Variants in AP3S2 observed in about 807,000 individuals in gnomAD.
AP3S2 encodes the protein adaptor related protein complex 3 subunit sigma 2.
Under a neutral mutation model 23.4 loss-of-function variants are expected in AP3S2, and 22 were observed. The observed-to-expected ratio is 0.94, with a 90% CI of 0.67 to 1.34. The LOEUF is 1.34. Among genes scored for constraint, AP3S2 ranks in the 40% most tolerant of loss-of-function variants. The pLI is 0.00. For synonymous variants in AP3S2, 86 were observed against 87.1 expected, an observed-to-expected ratio of 0.99 and a Z score of 0.07; for missense variants, 241 against 236.9, an observed-to-expected ratio of 1.02 and a Z score of -0.11.
chr15:89,878,076 G>A (rs1471745182), intron 3 of AP3S2, among the ~76,000 whole-genome samples: 2 of 152,006 alleles, frequency 1.3e-5, no homozygotes, highest in Non-Finnish European at 2.9e-5. Context: ...GTGTACTTTT[G>A]TACTTAACCT....
At chr15:89,867,541 G>C (rs1479949368) in intron 4 of AP3S2, among the ~76,000 whole-genome samples, 1 of 139,196 alleles carries the variant, frequency 7.2e-6, no homozygotes, top group Admixed American at 7.1e-5. Flanking sequence ...GTCTGCGCCC[G>C]GCCGCCATCC....
chr15:89,859,457 G>A (rs1296763530), intron 4 of AP3S2, among the ~76,000 whole-genome samples: 11 of 143,948 alleles, frequency 7.6e-5, no homozygotes, highest in African/African-American at 2.1e-4. Flanking sequence ...GCAGTGGCGC[G>A]ACCTCGGCTC....
intron 1 of AP3S2, among the ~76,000 whole-genome samples, chr15:89,890,808 G>A (rs1896802527): frequency 6.6e-6 from 1 of 152,266 alleles, no homozygotes; most frequent in Admixed American, 6.5e-5. Context: ...ACAGAGAGGG[G>A]AAAAAAGGGA....
chr15:89,844,682 G>A (rs2141842681), intron 4 of AP3S2, among the ~76,000 whole-genome samples: 1 of 151,686 alleles, frequency 6.6e-6, no homozygotes, highest in Admixed American at 6.6e-5. Flanking sequence ...AGAGTTTTTT[G>A]CCATTATTGC....
intron 4 of AP3S2, among the ~76,000 whole-genome samples, chr15:89,860,043 G>T (rs1895976290): frequency 6.6e-6 from 1 of 152,152 alleles, no homozygotes; most frequent in South Asian, 2.1e-4. Flanking sequence ...GGGATTACAG[G>T]CATGAGCCAT....
At chr15:89,878,579 G>C (rs921525422) in intron 3 of AP3S2, among the ~76,000 whole-genome samples, 1 of 152,004 alleles carries the variant, frequency 6.6e-6, no homozygotes, top group East Asian at 1.9e-4. Context: ...TCTTATTTTT[G>C]AGACAAGGTC....
chr15:89,868,388 G>GT (rs1896212520), intron 4 of AP3S2, among the ~76,000 whole-genome samples: 1 of 41,376 alleles, frequency 2.4e-5, no homozygotes, highest in South Asian at 9.3e-4. Context: ...CGGGAGGGAG[G>GT]TGGGGGGGTC....
intron 3 of AP3S2, chr15:89,886,537 G>A (rs994000756): frequency 1.3e-5 from 2 of 151,988 alleles, no homozygotes; most frequent in Admixed American, 6.6e-5. Context: ...TAGTGGCAAT[G>A]CTAATCTTTT....
At chr15:89,839,169 A>G (rs1355484414) in intron 4 of AP3S2, among the ~76,000 whole-genome samples, 1 of 152,214 alleles carries the variant, frequency 6.6e-6, no homozygotes, top group Non-Finnish European at 1.5e-5. Flanking sequence ...GTCAACCACC[A>G]GTTTACTCTG....
intron 3 of AP3S2, 142 bp from the exon 4 acceptor site, chr15:89,871,688 T>A (rs1596211305): frequency 1.3e-6 from 1 of 799,606 alleles, no homozygotes; most frequent in South Asian, 1.9e-5. Flanking sequence ...ACCTACCTTT[T>A]GTCTCCAGCA....
chr15:89,835,701 T>TAA (rs5814404), intron 5 of AP3S2, 58 bp from the exon 6 acceptor site: 299 of 1,039,860 alleles, frequency 2.9e-4, no homozygotes, highest in South Asian at 1.4e-3. Context: ...TGCTTAATGC[T>TAA]AAAAAAAAAA....
rs566649564 is a variant in AP3S2, at chr15:89,840,489, G to A, written c.346-2767C>T. On this transcript the variant is annotated intron_variant, in intron 4 of 5. Coordinates refer to ENST00000336418, the MANE Select transcript of AP3S2 (RefSeq NM_005829.5). Reference sequence around the variant, plus strand: ...GTCACCCAGGCTGGAGTACAGTGGTGTGAACTTGGCTCACTGCAACCTCCG... The same window carrying A: ...GTCACCCAGGCTGGAGTACAGTGGTATGAACTTGGCTCACTGCAACCTCCG... Among the ~76,000 whole-genome samples, 14 of 152,278 alleles carry A rather than the reference G, an allele frequency of 9.2e-5. No individual in the cohort carries two copies. The South Asian group carries it at 2.5e-3, about 27-fold the overall frequency.
rs145500411 is a variant in AP3S2, at chr15:89,862,532, C to T, written c.345+8943G>A. On this transcript the variant is annotated intron_variant, in intron 4 of 5. Transcript: ENST00000336418. ...GTATATAGACATAAAAGCAAGTATG[C>T]CAAATGTTAATAGTTGGTGAATCTA... Among the ~76,000 whole-genome samples, 9 of 152,100 alleles carry T rather than the reference C, an allele frequency of 5.9e-5. No individual in the cohort carries two copies. In the East Asian group the frequency reaches 1.2e-3, roughly 20 times the overall value.
intron 3 of AP3S2, among the ~76,000 whole-genome samples, chr15:89,884,538 A>C (rs1241171292): frequency 6.6e-6 from 1 of 152,152 alleles, no homozygotes; most frequent in Non-Finnish European, 1.5e-5. Flanking sequence ...GTCAAAAAGA[A>C]AAAAAAGGCA....
intron 4 of AP3S2, among the ~76,000 whole-genome samples, chr15:89,840,269 C>G (rs763436574): frequency 2.6e-5 from 4 of 152,142 alleles, no homozygotes; most frequent in Non-Finnish European, 5.9e-5. Flanking sequence ...TCCTCTATAC[C>G]TGCACTTTCA....
intron 1 of AP3S2, among the ~76,000 whole-genome samples, chr15:89,892,752 C>T (rs1896849009): frequency 6.6e-6 from 1 of 152,216 alleles, no homozygotes; most frequent in Non-Finnish European, 1.5e-5. Flanking sequence ...CAAGCTCCGC[C>T]TCCCGGGCTC....
At chr15:89,860,977 T>C (rs1469371941) in intron 4 of AP3S2, among the ~76,000 whole-genome samples, 1 of 152,224 alleles carries the variant, frequency 6.6e-6, no homozygotes, top group Non-Finnish European at 1.5e-5. Context: ...ACAAACTGTC[T>C]GTCCCTCACT....
chr15:89,890,061 GTAT>G (rs1413615053), intron 1 of AP3S2, among the ~76,000 whole-genome samples: 3 of 151,994 alleles, frequency 2.0e-5, no homozygotes, highest in Non-Finnish European at 2.9e-5. Context: ...CAAATAAAAT[GTAT>G]TATTATTATT....
intron 3 of AP3S2, among the ~76,000 whole-genome samples, chr15:89,877,764 C>T (rs967695724): frequency 1.3e-5 from 2 of 151,800 alleles, no homozygotes; most frequent in African/African-American, 4.8e-5. Flanking sequence ...CACTGTACTC[C>T]AGTCTGGGCA....
Sources: gnomAD v4.1 joint callset for allele counts (sites outside exome capture counted in the v4.1 genomes callset) on GRCh38, gnomAD v4.1.1 for gene constraint, MANE v1.5 for transcripts, NCBI Gene and HGNC (gene_info 2026-07-23, HGNC 2026-07-21) for gene names.